CHRDL1: variants seen among roughly 807,000 people sequenced by gnomAD.
CHRDL1 encodes chordin like 1, also known as chordin-like protein 1.
CHRDL1 carries 19 observed loss-of-function variants against 40.9 expected under a neutral mutation model. The ratio of observed to expected loss-of-function variants is 0.46; its 90% CI spans 0.32 to 0.68. The LOEUF is 0.68. Among genes scored for constraint, CHRDL1 ranks in the 30% least tolerant of loss-of-function variants. The pLI, the probability that CHRDL1 is intolerant of heterozygous loss-of-function variation, is 0.03. For missense variants in CHRDL1, 329 were observed against 352.1 expected (o/e 0.93, Z 0.53); for synonymous variants, 136 against 123.4 (o/e 1.10, Z -0.68).
chrX:110,766,404 C>T (rs2089662706), intron 2 of CHRDL1, among the ~76,000 whole-genome samples: 1 of 111,052 alleles, frequency 9.0e-6, no homozygotes, highest in Admixed American at 9.6e-5. Flanking sequence ...ATAAGTGAAA[C>T]AAAAAGCTGG....
chrX:110,683,129 T>G (rs146971564), intron 9 of CHRDL1, among the ~76,000 whole-genome samples: 1 of 112,361 alleles, frequency 8.9e-6, no homozygotes, highest in African/African-American at 3.2e-5. Context: ...TAAAAGTTCT[T>G]CCAGTAGCCT....
At chrX:110,754,552 T>C (rs1333403100) in intron 4 of CHRDL1, among the ~76,000 whole-genome samples, 1 of 112,255 alleles carries the variant, frequency 8.9e-6, no homozygotes, top group African/African-American at 3.2e-5. Context: ...CACATTCTCC[T>C]TATGGGAACA....
At chrX:110,745,976 G>A (rs1333920428) in intron 4 of CHRDL1, among the ~76,000 whole-genome samples, 3 of 111,977 alleles carry the variant, frequency 2.7e-5, no homozygotes, top group Non-Finnish European at 5.6e-5. Context: ...TCTTCCATGC[G>A]TTGTGTTCCT....
At chrX:110,764,279 AT>A (rs2089620720) in intron 2 of CHRDL1, among the ~76,000 whole-genome samples, 3 of 111,245 alleles carry the variant, frequency 2.7e-5, no homozygotes, top group African/African-American at 9.8e-5. Flanking sequence ...TTTTTATTGC[AT>A]TTGCTTTTGG....
At chrX:110,694,791 G>C (rs749229731) in intron 7 of CHRDL1, among the ~76,000 whole-genome samples, 14 of 112,120 alleles carry the variant, frequency 1.2e-4, no homozygotes, top group African/African-American at 4.5e-4. Context: ...TGTGACCTGG[G>C]CCACGAAGGA....
At chrX:110,720,925 G>A (rs762730268) in intron 5 of CHRDL1, among the ~76,000 whole-genome samples, 23 of 111,895 alleles carry the variant, frequency 2.1e-4, no homozygotes, top group African/African-American at 7.5e-4. Flanking sequence ...TCATTGCAGG[G>A]CACTAGGAAT....
intron 9 of CHRDL1, among the ~76,000 whole-genome samples, chrX:110,685,212 C>T (rs1284799728): frequency 8.9e-6 from 1 of 112,099 alleles, no homozygotes; most frequent in Non-Finnish European, 1.9e-5. Context: ...CCGTATGCTC[C>T]TCCAGTCTTT....
At chrX:110,721,720 T>C (rs1390188744) in intron 4 of CHRDL1, among the ~76,000 whole-genome samples, 190 bp from the exon 5 acceptor site, 1 of 111,915 alleles carries the variant, frequency 8.9e-6, no homozygotes, top group African/African-American at 3.3e-5. Context: ...GATCTATCCA[T>C]CCATCCATCC....
At chrX:110,683,211 C>T (rs1200282877) in intron 9 of CHRDL1, among the ~76,000 whole-genome samples, 8 of 103,797 alleles carry the variant, frequency 7.7e-5, no homozygotes, top group Non-Finnish European at 9.9e-5. Context: ...GATCTACAAA[C>T]AACAAAACTC....
chrX:110,675,242 A>T lies in CHRDL1; in HGVS notation c.*989T>A, dbSNP rs1433637370. The stretch of plus-strand genomic sequence containing the variant: ...GTCTCAAAAATATTAGTGAGTACTG[A>T]TCTATTACTTGGTAAATTTTATTGA... On this transcript the variant is annotated 3_prime_UTR_variant, in exon 12 of 12. Coordinates refer to ENST00000372042, the MANE Select transcript of CHRDL1 (RefSeq NM_001143981.2). 3.6e-5 allele frequency: 4 copies of T among 111,939 alleles called. No individual in the cohort carries two copies. Among genetic ancestry groups the T allele is most frequent in the African/African-American group, 1.3e-4 (4 of 30,852 alleles). 9.2% of individuals were successfully genotyped at this position (111,939 alleles called of 1,213,427 possible).
intron 2 of CHRDL1, among the ~76,000 whole-genome samples, chrX:110,766,089 C>A (rs1279059365): frequency 9.0e-6 from 1 of 111,436 alleles, no homozygotes; most frequent in Non-Finnish European, 1.9e-5. Context: ...AACCTGCTCC[C>A]GAATGAGCAT....
intron 6 of CHRDL1, among the ~76,000 whole-genome samples, chrX:110,712,433 G>GAT (rs1443065784): frequency 1.8e-5 from 2 of 111,858 alleles, no homozygotes; most frequent in African/African-American, 6.5e-5. Flanking sequence ...GCCTAAAGGA[G>GAT]ATGTGTGTGT....
chrX:110,700,560 T>A (rs1010001126), intron 7 of CHRDL1, 94 bp downstream of exon 7: 1 of 578,805 alleles, frequency 1.7e-6, no homozygotes, highest in African/African-American at 2.3e-5. Context: ...AAATCGGGCC[T>A]TTTTTTTGGA....
At chrX:110,762,280 CTTCTT>C (rs1055377537) in intron 3 of CHRDL1, among the ~76,000 whole-genome samples, 19 of 111,672 alleles carry the variant, frequency 1.7e-4, no homozygotes, top group South Asian at 1.1e-3. Flanking sequence ...TTCTTACTTT[CTTCTT>C]TTATTTTATG....
At chrX:110,705,386 C>A (rs2070611358) in intron 6 of CHRDL1, among the ~76,000 whole-genome samples, 1 of 493 alleles carries the variant, frequency 2.0e-3, no homozygotes, top group Admixed American at 0.014. Context: ...CACACAGACA[C>A]ATATATATAC....
chrX:110,700,613 A>G, intron 7 of CHRDL1, 41 bp downstream of exon 7: 1 of 922,779 alleles, frequency 1.1e-6, no homozygotes, highest in Non-Finnish European at 1.6e-6. Context: ...GCTTGGCCTG[A>G]TGCTGTGGAG....
intron 6 of CHRDL1, among the ~76,000 whole-genome samples, chrX:110,706,716 A>G (rs1407371758): frequency 5.3e-5 from 6 of 112,197 alleles, no homozygotes; most frequent in African/African-American, 1.9e-4. Context: ...TTTGAACCAT[A>G]CATCATAAAT....
intron 2 of CHRDL1, among the ~76,000 whole-genome samples, chrX:110,780,838 T>A (rs192564531): frequency 9.0e-6 from 1 of 111,355 alleles, no homozygotes; most frequent in Non-Finnish European, 1.9e-5. Context: ...ATATTCATTT[T>A]AGTAACAATT....
At chrX:110,687,485 G>C (rs187803004) in intron 9 of CHRDL1, among the ~76,000 whole-genome samples, 347 of 111,811 alleles carry the variant, frequency 3.1e-3, no homozygotes, top group Non-Finnish European at 4.9e-3. Context: ...GGGCATGTTT[G>C]CCTACTAGTC....
Sources: gnomAD v4.1 joint callset for allele counts (sites outside exome capture counted in the v4.1 genomes callset) on GRCh38, gnomAD v4.1.1 for gene constraint, MANE v1.5 for transcripts, NCBI Gene and HGNC (gene_info 2026-07-23, HGNC 2026-07-21) for gene names.